Variants in DOCK5 observed in about 807,000 individuals in gnomAD.
DOCK5 encodes dedicator of cytokinesis 5.
In DOCK5, 142 loss-of-function variants were observed where a neutral mutation model predicts 251.8. That is an observed-to-expected ratio of 0.56 (90% CI 0.49 to 0.65). The LOEUF (loss-of-function observed/expected upper bound fraction) is 0.65. DOCK5 is among the 30% of genes least tolerant of loss of function. The pLI is 0.00. For missense variants in DOCK5, 2,111 were observed against 2,312.3 expected (o/e 0.91, Z 1.79); for synonymous variants, 842 against 835.5 (o/e 1.01, Z -0.13).
At chr8:25,375,757 C>T (rs1288710172) in intron 37 of DOCK5, 2 of 985,236 alleles carry the variant, frequency 2.0e-6, no homozygotes, top group Non-Finnish European at 2.4e-6. Flanking sequence ...CACCACTTCC[C>T]AAAGGAAATT....
chr8:25,369,582 G>A lies in DOCK5; in HGVS notation c.3465G>A (p.Leu1155=). The change falls in exon 34 of 52, where the codon CTG becomes CTA. Residue 1155 remains leucine, a synonymous_variant. Transcript: ENST00000276440. ...TTGAGAATGAGCTGATCACAAAGCTGGACCAGGAGGTAGAAGGGGGCAGAG... is the reference window on the plus strand; with the variant it reads ...TTGAGAATGAGCTGATCACAAAGCTAGACCAGGAGGTAGAAGGGGGCAGAG... ...HMFENELITK[L]DQEVEGGRGD... is the part of the protein sequence containing the mutation. 1 of 1,611,568 alleles carries A rather than the reference G, an allele frequency of 6.2e-7. No individual in the cohort carries two copies. Among genetic ancestry groups the A allele is most frequent in the Admixed American group, 1.7e-5 (1 of 59,650 alleles).
chr8:25,197,825 A>G (rs1404539906), intron 1 of DOCK5, among the ~76,000 whole-genome samples: 1 of 142,472 alleles, frequency 7.0e-6, no homozygotes, highest in African/African-American at 2.6e-5. Flanking sequence ...ATCTCGGCTC[A>G]CTGCAAGCTC....
At chr8:25,193,148 C>G (rs1801628579) in intron 1 of DOCK5, among the ~76,000 whole-genome samples, 1 of 152,176 alleles carries the variant, frequency 6.6e-6, no homozygotes, top group African/African-American at 2.4e-5. Flanking sequence ...TTAGTGAATA[C>G]TGACCCGTTG....
intron 35 of DOCK5, 109 bp from the exon 36 acceptor site, chr8:25,373,509 T>G: frequency 9.7e-7 from 1 of 1,028,146 alleles, no homozygotes; most frequent in South Asian, 1.5e-5. Context: ...AACAGTGATC[T>G]CTTTGGAAAA....
Position 25,187,231 on chromosome 8 carries a change from G to GTA in DOCK5, c.43+2293_43+2294dup, listed in dbSNP as rs57297499. Among the ~76,000 whole-genome samples the GTA allele has an allele frequency of 2.3e-3, 328 of 141,016 alleles. 2 individuals carry two copies. Among genetic ancestry groups the GTA allele is most frequent in the Middle Eastern group, 0.015 (4 of 260 alleles). The allele number at this position is 141,016 out of a possible 152,430, so 92.5% of individuals were successfully genotyped here. On this transcript the variant is annotated intron_variant, in intron 1 of 51. Transcript: ENST00000276440. ...AAAAACTATATATACATATATATAC[G>GTA]TATATATATATATACACACACACAC...
intron 11 of DOCK5, among the ~76,000 whole-genome samples, chr8:25,306,647 TCACGCCACTG>T (rs1228466739): frequency 6.6e-6 from 1 of 151,320 alleles, no homozygotes; most frequent in Non-Finnish European, 1.5e-5. Flanking sequence ...TGAGCCAAGA[TCACGCCACTG>T]CACTCCAGCC....
intron 1 of DOCK5, among the ~76,000 whole-genome samples, chr8:25,213,629 AG>A (rs2117482739): frequency 6.6e-6 from 1 of 152,290 alleles, no homozygotes; most frequent in Admixed American, 6.5e-5. Flanking sequence ...AATAGCCTTC[AG>A]GGAGGAATGA....
chr8:25,400,313 A>G (rs1343282238), intron 46 of DOCK5, among the ~76,000 whole-genome samples: 1 of 151,932 alleles, frequency 6.6e-6, no homozygotes, highest in Non-Finnish European at 1.5e-5. Context: ...AGCCTGGCCA[A>G]CATGGTGAAA....
At chr8:25,409,272 A>G (rs1801576108) in intron 50 of DOCK5, among the ~76,000 whole-genome samples, 1 of 152,208 alleles carries the variant, frequency 6.6e-6, no homozygotes, top group African/African-American at 2.4e-5. Context: ...GGGACAAGAA[A>G]TAGACCCATT....
At position 25,278,678 on chromosome 8, in the gene DOCK5, T is replaced by G; in HGVS notation, c.321+13T>G. The G allele has an allele frequency of 6.2e-7, 1 of 1,612,866 alleles. No individual in the cohort carries two copies. Among genetic ancestry groups the G allele is most frequent in the South Asian group, 1.1e-5 (1 of 90,812 alleles). ...AAAGCTCTACGTGGTGAGTTTCCCC[T>G]TGTGGCTTGGAGCCCCAGGGTCACT... is the stretch of plus-strand genomic sequence containing the variant. On this transcript the variant is annotated intron_variant, in intron 5 of 51. Transcript: ENST00000276440.
At position 25,406,775 on chromosome 8, in the gene DOCK5, C is replaced by A. The variant is rs538828635; in HGVS notation, c.5094-1208C>A. 9.9e-4 allele frequency among the ~76,000 whole-genome samples: 150 copies of A among 151,940 alleles called. 2 individuals carry two copies. In the South Asian group the frequency reaches 0.031, roughly 32 times the overall value. On this transcript the variant is annotated intron_variant, in intron 48 of 51. Transcript: ENST00000276440. ...CTTGAGTAGCTGGGACTACAGGCGC[C>A]CACCACCACGCCTGGTGAAGTTTTA...
At chr8:25,208,844 AT>A (rs1802063975) in intron 1 of DOCK5, among the ~76,000 whole-genome samples, 2 of 152,170 alleles carry the variant, frequency 1.3e-5, no homozygotes, top group Non-Finnish European at 2.9e-5. Context: ...AGGTTAAAAT[AT>A]GCCCATGACC....
chr8:25,206,739 C>T (rs1001249007), intron 1 of DOCK5, among the ~76,000 whole-genome samples: 1 of 152,148 alleles, frequency 6.6e-6, no homozygotes, highest in African/African-American at 2.4e-5. Flanking sequence ...TGGTTTGACG[C>T]AAAGAAGTAA....
intron 2 of DOCK5, among the ~76,000 whole-genome samples, chr8:25,268,148 AC>A (rs1237616027): frequency 6.6e-6 from 1 of 152,014 alleles, no homozygotes; most frequent in Non-Finnish European, 1.5e-5. Flanking sequence ...AGCGTGAGCC[AC>A]CGTGCCCGGC....
At chr8:25,259,295 C>T (rs1467244507) in intron 2 of DOCK5, among the ~76,000 whole-genome samples, 4 of 152,074 alleles carry the variant, frequency 2.6e-5, no homozygotes, top group East Asian at 1.9e-4. Flanking sequence ...CTACTGTGCC[C>T]CAGCAGGGCC....
chr8:25,392,092 A>G, intron 43 of DOCK5, 112 bp downstream of exon 43: 1 of 998,174 alleles, frequency 1.0e-6, no homozygotes, highest in Non-Finnish European at 1.5e-6. Flanking sequence ...TCACGAAGTC[A>G]AGAGATCGAG....
chr8:25,373,742 C>T, intron 36 of DOCK5, 84 bp downstream of exon 36: 1 of 1,349,582 alleles, frequency 7.4e-7, no homozygotes, highest in Non-Finnish European at 1.0e-6. Context: ...ACTTTCCCAA[C>T]ACCGTGTTTG....
intron 45 of DOCK5, among the ~76,000 whole-genome samples, chr8:25,396,416 CA>C (rs1275654615): frequency 2.0e-5 from 3 of 152,068 alleles, no homozygotes; most frequent in Non-Finnish European, 4.4e-5. Context: ...GTTGTATGGA[CA>C]ACTGATGGCC....
At chr8:25,218,874 C>G (rs574598745) in intron 1 of DOCK5, among the ~76,000 whole-genome samples, 7 of 152,124 alleles carry the variant, frequency 4.6e-5, no homozygotes, top group African/African-American at 1.7e-4. Context: ...TCATTGTAAT[C>G]AAAATAATGC....
Sources: gnomAD v4.1 joint callset for allele counts (sites outside exome capture counted in the v4.1 genomes callset) on GRCh38, gnomAD v4.1.1 for gene constraint, MANE v1.5 for transcripts, NCBI Gene and HGNC (gene_info 2026-07-23, HGNC 2026-07-21) for gene names.